The following FLI1 variants were observed in gnomAD, a reference collection of about 807,000 sequenced individuals.
FLI1 encodes Fli-1 proto-oncogene, ETS transcription factor, also known as Friend leukemia integration 1 transcription factor.
A neutral mutation model predicts 53.1 loss-of-function variants in FLI1; 13 were observed. The observed-to-expected ratio is 0.24, with a 90% CI of 0.16 to 0.39. The LOEUF (loss-of-function observed/expected upper bound fraction) is 0.39. Ranked by LOEUF, FLI1 falls within the 10% of genes least tolerant of loss-of-function variation. FLI1 has a pLI of 1.00. For synonymous variants in FLI1, 244 were observed against 236.7 expected, an observed-to-expected ratio of 1.03 and a Z score of -0.28; for missense variants, 424 against 600.5, an observed-to-expected ratio of 0.71 and a Z score of 3.07.
chr11:128,706,329 C>T (rs1250383720), intron 1 of FLI1, among the ~76,000 whole-genome samples: 4 of 152,176 alleles, frequency 2.6e-5, no homozygotes, highest in Non-Finnish European at 5.9e-5. Context: ...GAGTGTCTCC[C>T]ACATCACTCC....
chr11:128,790,587 G>C (rs1942243064), intron 5 of FLI1, among the ~76,000 whole-genome samples: 1 of 152,156 alleles, frequency 6.6e-6, no homozygotes, highest in Non-Finnish European at 1.5e-5. Context: ...AACTGCTATT[G>C]CACACGTGTG....
chr11:128,751,002 T>C (rs1940619116), intron 1 of FLI1, among the ~76,000 whole-genome samples: 1 of 152,218 alleles, frequency 6.6e-6, no homozygotes, highest in Non-Finnish European at 1.5e-5. Flanking sequence ...TTCACAGGGC[T>C]ATTCAGGCTA....
Position 128,729,129 on chromosome 11 carries a change from A to T in FLI1, c.19-28986A>T, listed in dbSNP as rs558564426. On this transcript the variant is annotated intron_variant, in intron 1 of 8. Coordinates refer to ENST00000527786, the MANE Select transcript of FLI1 (RefSeq NM_002017.5). Reference sequence around the variant, plus strand: ...CTAGGCACCTCTGCTTTGTAATCGGATGTGTACGAGGGCAACACAAAGGAC... The same window carrying T: ...CTAGGCACCTCTGCTTTGTAATCGGTTGTGTACGAGGGCAACACAAAGGAC... Among the ~76,000 whole-genome samples the T allele has an allele frequency of 4.8e-4, 73 of 152,274 alleles. 1 individual carries two copies. The highest frequency in any genetic ancestry group is 3.4e-3 in the Middle Eastern group (1 of 294).
At chr11:128,719,651 A>C (rs1032202932) in intron 1 of FLI1, among the ~76,000 whole-genome samples, 2 of 152,122 alleles carry the variant, frequency 1.3e-5, no homozygotes, top group Non-Finnish European at 2.9e-5. Context: ...CATCCCGTCT[A>C]CTCATGTTTC....
intron 1 of FLI1, among the ~76,000 whole-genome samples, chr11:128,732,470 G>C (rs1049469189): frequency 6.6e-6 from 1 of 152,218 alleles, no homozygotes; most frequent in East Asian, 1.9e-4. Context: ...GGGGACACAG[G>C]TGAACAAAAC....
At chr11:128,723,054 C>T (rs2042233905) in intron 1 of FLI1, among the ~76,000 whole-genome samples, 1 of 152,150 alleles carries the variant, frequency 6.6e-6, no homozygotes, top group Non-Finnish European at 1.5e-5. Context: ...AGAAAGAGGG[C>T]AAGCTAGCTC....
intron 1 of FLI1, among the ~76,000 whole-genome samples, chr11:128,723,225 T>A (rs181883132): frequency 1.3e-5 from 2 of 152,188 alleles, no homozygotes; most frequent in East Asian, 3.9e-4. Flanking sequence ...CATAACAACA[T>A]GACAGCTGGC....
chr11:128,766,116 GT>G (rs1346127072), intron 2 of FLI1, among the ~76,000 whole-genome samples: 1 of 152,228 alleles, frequency 6.6e-6, no homozygotes, highest in Non-Finnish European at 1.5e-5. Flanking sequence ...GTGTGTGAGT[GT>G]GTGCCTGCAG....
At chr11:128,766,904 G>A (rs2135829367) in intron 2 of FLI1, among the ~76,000 whole-genome samples, 1 of 151,978 alleles carries the variant, frequency 6.6e-6, no homozygotes, top group East Asian at 1.9e-4. Flanking sequence ...TGTCTCCCAG[G>A]CTGCCAGAAC....
At chr11:128,714,735 A>T (rs1205984677) in intron 1 of FLI1, among the ~76,000 whole-genome samples, 1 of 125,292 alleles carries the variant, frequency 8.0e-6, no homozygotes, top group African/African-American at 3.1e-5. Context: ...TTTTTGACAG[A>T]GTCTTGCTCT....
At chr11:128,724,732 A>G (rs1047546321) in intron 1 of FLI1, among the ~76,000 whole-genome samples, 2 of 152,178 alleles carry the variant, frequency 1.3e-5, no homozygotes, top group Non-Finnish European at 2.9e-5. Flanking sequence ...AAATGGGTGC[A>G]TGGTTCTAGG....
upstream of FLI1, among the ~76,000 whole-genome samples, chr11:128,685,768 A>C (rs1049524792): frequency 6.8e-6 from 1 of 147,040 alleles, no homozygotes; most frequent in Non-Finnish European, 1.5e-5. Flanking sequence ...AAAGTGCTTT[A>C]TCAGAAACAC....
upstream of FLI1, among the ~76,000 whole-genome samples, chr11:128,693,571 G>A (rs1006622811): frequency 6.6e-6 from 1 of 151,620 alleles, no homozygotes; most frequent in Non-Finnish European, 1.5e-5. Context: ...ATTAATGAAC[G>A]TATCTGTGGG....
intron 3 of FLI1, among the ~76,000 whole-genome samples, chr11:128,769,050 A>G (rs1168532805): frequency 6.6e-6 from 1 of 152,272 alleles, no homozygotes. Context: ...AGAAAGAACT[A>G]TATTTAACTA....
intron 1 of FLI1, among the ~76,000 whole-genome samples, chr11:128,723,876 G>A (rs1591754980): frequency 6.6e-6 from 1 of 150,518 alleles, no homozygotes; most frequent in African/African-American, 2.4e-5. Context: ...CAGCTCTACT[G>A]GAAAGACCCA....
chr11:128,763,559 G>A (rs1941209394), intron 2 of FLI1, among the ~76,000 whole-genome samples: 1 of 152,240 alleles, frequency 6.6e-6, no homozygotes, highest in African/African-American at 2.4e-5. Context: ...AGAGTTCAGA[G>A]CTAACCTTCC....
rs1325694641 is a variant in FLI1, at chr11:128,812,594, TTG to T, written c.*1614_*1615del. On this transcript the variant is annotated 3_prime_UTR_variant, in exon 9 of 9. Transcript: ENST00000527786. ...GTTGTTGATGATGTTTGTAGTGTTT[TTG>T]TGTGTGTTATTTAAATCTTCCTCCA... The T allele has an allele frequency of 1.3e-5, 3 of 224,094 alleles. No individual in the cohort carries two copies. Among genetic ancestry groups the T allele is most frequent in the Non-Finnish European group, 1.8e-5 (2 of 112,354 alleles). The allele number at this position is 224,094 out of a possible 1,614,324, so 13.9% of individuals were successfully genotyped here.
intron 2 of FLI1, among the ~76,000 whole-genome samples, chr11:128,761,145 A>G (rs1158608364): frequency 6.6e-6 from 1 of 152,050 alleles, no homozygotes; most frequent in Non-Finnish European, 1.5e-5. Flanking sequence ...CGCCAGCCTC[A>G]TAAGACTCTA....
At chr11:128,740,108 T>C (rs1420080241) in intron 1 of FLI1, among the ~76,000 whole-genome samples, 1 of 151,984 alleles carries the variant, frequency 6.6e-6, no homozygotes, top group African/African-American at 2.4e-5. Flanking sequence ...CAGAAAGCAA[T>C]CTCCCAAGAA....
Sources: gnomAD v4.1 joint callset for allele counts (sites outside exome capture counted in the v4.1 genomes callset) on GRCh38, gnomAD v4.1.1 for gene constraint, MANE v1.5 for transcripts, NCBI Gene and HGNC (gene_info 2026-07-23, HGNC 2026-07-21) for gene names.